Variants in TLX1 observed in about 807,000 individuals in gnomAD.
TLX1 encodes T cell leukemia homeobox 1, also known as T-cell leukemia homeobox protein 1.
Under a neutral mutation model 26.5 loss-of-function variants are expected in TLX1, and 6 were observed. The ratio of observed to expected loss-of-function variants is 0.23; its 90% CI spans 0.12 to 0.45. The LOEUF (loss-of-function observed/expected upper bound fraction) is 0.45. Ranked by LOEUF, TLX1 falls within the 20% of genes least tolerant of loss-of-function variation. TLX1 has a pLI of 0.99. For synonymous variants in TLX1, 217 were observed against 219.7 expected (o/e 0.99, Z 0.11); for missense variants, 418 against 482.6 (o/e 0.87, Z 1.25).
In TLX1 at chr10:101,131,748, A is replaced by C; in HGVS notation, c.207A>C (p.Gly69=). 1 of 1,423,290 alleles carries C rather than the reference A, an allele frequency of 7.0e-7. No individual in the cohort carries two copies. The allele number at this position is 1,423,290 out of a possible 1,614,324, so 88.2% of individuals were successfully genotyped here. A position where few individuals can be genotyped will look rare whatever the true frequency, so the allele number is the denominator to read the frequency against. Residue 69 remains glycine (G), a synonymous_variant, in exon 1 of 3, where the codon GGA becomes GGC. Coordinates refer to ENST00000370196, the MANE Select transcript of TLX1 (RefSeq NM_005521.4). ...GGGSAAATGA[G]GAGAYGTGGP... ...GCTCCGCGGCCGCGACGGGGGCTGGAGGAGCGGGGGCCTATGGTACTGGAG... is the reference window on the plus strand; with the variant it reads ...GCTCCGCGGCCGCGACGGGGGCTGGCGGAGCGGGGGCCTATGGTACTGGAG...
At position 101,136,751 on chromosome 10, in the gene TLX1, G is replaced by T. The variant is rs373379278; in HGVS notation, c.831G>T (p.Gln277His). ...AGCAAGCGAACCGCATCCTCCTGCA[G>T]TTGCAGCAGGAGGCCTTCCAGAAGA... ...ERQQANRILL[Q>H]LQQEAFQKSL... is the part of the protein sequence containing the mutation. The change falls in exon 3 of 3, where the codon CAG becomes CAT. Residue 277 changes from glutamine (Q) to histidine (H), a missense_variant. By Grantham distance (24) the Gln-to-His change is conservative (BLOSUM62 0). Around this residue, in one of 3 missense-constraint regions of TLX1, gnomAD observed 78 missense variants for 92.2 expected, o/e 0.85. Transcript: ENST00000370196. 1.2e-6 allele frequency: 2 copies of T among 1,613,292 alleles called. No individual in the cohort carries two copies. The highest frequency in any genetic ancestry group is 4.5e-5 in the East Asian group (2 of 44,878).
In TLX1 at chr10:101,131,712, C is replaced by A; in HGVS notation, c.171C>A (p.Tyr57Ter). The change falls in exon 1 of 3, where the codon TAC becomes TAA. Residue 57 changes from tyrosine (Y) to a stop codon, truncating the protein, a stop_gained. Transcript: ENST00000370196. LOFTEE classifies it high-confidence loss of function. ...LGCLVGGAYT[Y>*]GGGGSAAATG... ...GCTTGGTCGGAGGCGCCTACACTTACGGCGGCGGGGGCTCCGCGGCCGCGA... is the reference window on the plus strand; with the variant it reads ...GCTTGGTCGGAGGCGCCTACACTTAAGGCGGCGGGGGCTCCGCGGCCGCGA... 6.8e-7 allele frequency: 1 copy of A among 1,479,714 alleles called. No homozygotes were observed. The highest frequency in any genetic ancestry group is 8.9e-7 in the Non-Finnish European group (1 of 1,121,708). 91.7% of individuals were successfully genotyped at this position (1,479,714 alleles called of 1,614,324 possible).
In TLX1 at chr10:101,137,579, C is replaced by T. The variant is rs1264516567; in HGVS notation, c.*666C>T. 2 of 234,526 alleles carry T rather than the reference C, an allele frequency of 8.5e-6. No homozygotes were observed. Among genetic ancestry groups the T allele is most frequent in the East Asian group, 1.2e-4 (2 of 16,598 alleles). 14.5% of individuals were successfully genotyped at this position (234,526 alleles called of 1,614,324 possible). On this transcript the variant is annotated 3_prime_UTR_variant, in exon 3 of 3. Transcript: ENST00000370196. The stretch of plus-strand genomic sequence containing the variant: ...ACAGCCAACAGCTACAACAGCCTCA[C>T]TTGGTCTGCCAGGCCCCCACCACAC...
At position 101,136,998 on chromosome 10, in the gene TLX1, G is replaced by C; in HGVS notation, c.*85G>C. On this transcript the variant is annotated 3_prime_UTR_variant, in exon 3 of 3. Coordinates refer to ENST00000370196, the MANE Select transcript of TLX1 (RefSeq NM_005521.4). Reference sequence around the variant, plus strand: ...CCCAGGACTCCTCCCCACCCTCCTGGCCTCAGACTGCACCCAGGAGGGGAA... The same window carrying C: ...CCCAGGACTCCTCCCCACCCTCCTGCCCTCAGACTGCACCCAGGAGGGGAA... The C allele has an allele frequency of 6.6e-7, 1 of 1,517,914 alleles. No individual in the cohort carries two copies. The highest frequency in any genetic ancestry group is 8.9e-7 in the Non-Finnish European group (1 of 1,122,910). 94.0% of individuals were successfully genotyped at this position (1,517,914 alleles called of 1,614,324 possible). A position where few individuals can be genotyped will look rare whatever the true frequency, so the allele number is the denominator to read the frequency against.
chr10:101,132,443 C>CTTAG lies in TLX1; in HGVS notation c.568+335_568+338dup, dbSNP rs1296487015. Reference sequence around the variant, plus strand: ...CTGCAGCTACTCTTGGCCTGGGAATCTTAGAGAAAGGGGTGCAACGTGAAC... The same window carrying CTTAG: ...CTGCAGCTACTCTTGGCCTGGGAATCTTAGTTAGAGAAAGGGGTGCAACGTGAAC... On this transcript the variant is annotated intron_variant, in intron 1 of 2. Transcript: ENST00000370196. This position sits in a 1 kb window ranked among gnomAD's most constrained non-coding sequence, Gnocchi z 4.1. Among the ~76,000 whole-genome samples, 1 of 152,268 alleles carries CTTAG rather than the reference C, an allele frequency of 6.6e-6. No homozygotes were observed. Among genetic ancestry groups the CTTAG allele is most frequent in the Non-Finnish European group, 1.5e-5 (1 of 68,046 alleles).
Position 101,132,759 on chromosome 10 carries a change from G to C in TLX1, c.568+650G>C, listed in dbSNP as rs574103494. ...TTTCATTTTCGTTCTCTCCCGGCTG[G>C]GTGTCCTACCCCGGGCCCAGCCCTG... On this transcript the variant is annotated intron_variant, in intron 1 of 2. Coordinates refer to ENST00000370196, the MANE Select transcript of TLX1 (RefSeq NM_005521.4). The surrounding 1 kb of genome is among the most constrained non-coding windows in gnomAD (Gnocchi z 4.1). The C allele has an allele frequency of 6.6e-6, 1 of 152,266 alleles. No homozygotes were observed. The highest frequency in any genetic ancestry group is 1.9e-4 in the East Asian group (1 of 5,178). 9.4% of individuals were successfully genotyped at this position (152,266 alleles called of 1,614,324 possible).
In TLX1 at chr10:101,131,982, C is replaced by T. The variant is rs1221507926; in HGVS notation, c.441C>T (p.Pro147=). The change falls in exon 1 of 3, where the codon CCC becomes CCT. Residue 147 remains proline (P), a synonymous_variant. Coordinates refer to ENST00000370196, the MANE Select transcript of TLX1 (RefSeq NM_005521.4). The part of the protein sequence containing the change: ...HRPLAGAVAH[P]QPLATGLPTV... Reference sequence around the variant, plus strand: ...CGCTCGCCGGAGCCGTGGCCCACCCCCAGCCCCTGGCCACCGGCTTGCCCA... The same window carrying T: ...CGCTCGCCGGAGCCGTGGCCCACCCTCAGCCCCTGGCCACCGGCTTGCCCA... 6 of 1,522,720 alleles carry T rather than the reference C, an allele frequency of 3.9e-6. No individual in the cohort carries two copies. Among genetic ancestry groups the T allele is most frequent in the Non-Finnish European group, 5.2e-6 (6 of 1,143,084 alleles). 94.3% of individuals were successfully genotyped at this position (1,522,720 alleles called of 1,614,324 possible).
chr10:101,135,272 C>G (rs1481547188), intron 2 of TLX1: 4 of 152,876 alleles, frequency 2.6e-5, no homozygotes, highest in Non-Finnish European at 4.4e-5. Flanking sequence ...GCGGGAGAGT[C>G]TGGGCGAAGT....
chr10:101,131,423 C>T lies in TLX1; in HGVS notation c.-119C>T. 1 of 733,200 alleles carries T rather than the reference C, an allele frequency of 1.4e-6. No homozygotes were observed. The highest frequency in any genetic ancestry group is 2.0e-6 in the Non-Finnish European group (1 of 510,826). The allele number at this position is 733,200 out of a possible 1,614,324, so 45.4% of individuals were successfully genotyped here. A position where few individuals can be genotyped will look rare whatever the true frequency, so the allele number is the denominator to read the frequency against. ...TCTACTTTAGCCTTTCTGCGCACTTCGCTTCCAAGTCTCCGCGCAGCCAGG... is the reference window on the plus strand; with the variant it reads ...TCTACTTTAGCCTTTCTGCGCACTTTGCTTCCAAGTCTCCGCGCAGCCAGG... On this transcript the variant is annotated 5_prime_UTR_variant, in exon 1 of 3. Coordinates refer to ENST00000370196, the MANE Select transcript of TLX1 (RefSeq NM_005521.4).
At position 101,137,197 on chromosome 10, in the gene TLX1, G is replaced by C; in HGVS notation, c.*284G>C. The C allele has an allele frequency of 2.3e-6, 1 of 443,810 alleles. No homozygotes were observed. The highest frequency in any genetic ancestry group is 3.3e-5 in the South Asian group (1 of 29,884). The allele number at this position is 443,810 out of a possible 1,614,324, so 27.5% of individuals were successfully genotyped here. A position where few individuals can be genotyped will look rare whatever the true frequency, so the allele number is the denominator to read the frequency against. ...ATTTCATTTTATTTTAATTTTTAAC[G>C]TGGGATTCAGAGAAAGGCAAGGGAG... On this transcript the variant is annotated 3_prime_UTR_variant, in exon 3 of 3. Coordinates refer to ENST00000370196, the MANE Select transcript of TLX1 (RefSeq NM_005521.4).
In TLX1 at chr10:101,132,025, G is replaced by T; in HGVS notation, c.484G>T (p.Ala162Ser). The T allele has an allele frequency of 6.6e-7, 1 of 1,519,672 alleles. No individual in the cohort carries two copies. 94.1% of individuals were successfully genotyped at this position (1,519,672 alleles called of 1,614,324 possible). A position where few individuals can be genotyped will look rare whatever the true frequency, so the allele number is the denominator to read the frequency against. Residue 162 changes from alanine (A) to serine (S), a missense_variant, in exon 1 of 3, where the codon GCC becomes TCC. By Grantham distance (99) the Ala-to-Ser change is moderately conservative. Coordinates refer to ENST00000370196, the MANE Select transcript of TLX1 (RefSeq NM_005521.4). The surrounding 1 kb of genome is among the most constrained non-coding windows in gnomAD (Gnocchi z 4.1). Reference sequence around the variant, plus strand: ...CTTGCCCACCGTGCCCTCTGTGCCTGCCATGCCGGGCGTCAACAACCTCAC... The same window carrying T: ...CTTGCCCACCGTGCCCTCTGTGCCTTCCATGCCGGGCGTCAACAACCTCAC... ...TGLPTVPSVPAMPGVNNLTGL... is the reference protein window; with the variant it reads ...TGLPTVPSVPSMPGVNNLTGL...
rs888627709 is a variant in TLX1 at position 101,132,524 on chromosome 10, G to T, written c.568+415G>T. 6.6e-6 allele frequency among the ~76,000 whole-genome samples: 1 copy of T among 152,194 alleles called. No individual in the cohort carries two copies. The highest frequency in any genetic ancestry group is 1.5e-5 in the Non-Finnish European group (1 of 68,026). On this transcript the variant is annotated intron_variant, in intron 1 of 2. Coordinates refer to ENST00000370196, the MANE Select transcript of TLX1 (RefSeq NM_005521.4). The surrounding 1 kb of genome is among the most constrained non-coding windows in gnomAD (Gnocchi z 4.1). ...ACCCAGGAAGCGAGCCCCAGGATCA[G>T]ACACAAGAAAAGAACAGGTTCCCCC...
chr10:101,131,331 C>A lies in TLX1; in HGVS notation c.-211C>A, dbSNP rs1406287775. 6 of 423,174 alleles carry A rather than the reference C, an allele frequency of 1.4e-5. No individual in the cohort carries two copies. Among genetic ancestry groups the A allele is most frequent in the East Asian group, 3.6e-5 (1 of 28,028 alleles). 26.2% of individuals were successfully genotyped at this position (423,174 alleles called of 1,614,324 possible). A position where few individuals can be genotyped will look rare whatever the true frequency, so the allele number is the denominator to read the frequency against. On this transcript the variant is annotated 5_prime_UTR_variant, in exon 1 of 3. Transcript: ENST00000370196. ...CCAGAGTCAACAGCGAGCGAGCAGC[C>A]GGAGCGGGGAAGCAGAAGCCAGAGA...
rs1940316900 is a variant in TLX1, at chr10:101,137,251, C to CA, written c.*339dup. The CA allele has an allele frequency of 3.9e-5, 14 of 362,224 alleles. No individual in the cohort carries two copies. The South Asian group carries it at 5.7e-4, about 15-fold the overall frequency. 22.4% of individuals were successfully genotyped at this position (362,224 alleles called of 1,614,324 possible). On this transcript the variant is annotated 3_prime_UTR_variant, in exon 3 of 3. Transcript: ENST00000370196. ...AGGGAGGAGGAGCTTCTGGGGTCCCCAGGGCTGTCATCTGAATTTGCCCTG... is the reference window on the plus strand; with the variant it reads ...AGGGAGGAGGAGCTTCTGGGGTCCCCAAGGGCTGTCATCTGAATTTGCCCTG...
chr10:101,131,699 G>A lies in TLX1; in HGVS notation c.158G>A (p.Gly53Asp). The part of the protein sequence containing the change: ...GEYGLGCLVG[G>D]AYTYGGGGSA... The stretch of plus-strand genomic sequence containing the variant: ...TACGGCCTTGGCTGCTTGGTCGGAG[G>A]CGCCTACACTTACGGCGGCGGGGGC... The change falls in exon 1 of 3, where the codon GGC (glycine) becomes GAC (aspartate). Residue 53 changes from glycine to aspartate, a missense_variant. Physicochemically the swap from Gly to Asp is moderately conservative, Grantham distance 94. This residue lies in a region of TLX1 where 322 missense variants were observed against 344.6 expected (regional missense o/e 0.93). Transcript: ENST00000370196. 1.3e-6 allele frequency: 2 copies of A among 1,508,484 alleles called. No homozygotes were observed. The highest frequency in any genetic ancestry group is 1.8e-6 in the Non-Finnish European group (2 of 1,135,710). 93.4% of individuals were successfully genotyped at this position (1,508,484 alleles called of 1,614,324 possible).
At chr10:101,135,286 CGG>C (rs1186697546) in intron 2 of TLX1, 1 of 153,130 alleles carries the variant, frequency 6.5e-6, no homozygotes, top group African/African-American at 2.4e-5. Context: ...GCGAAGTCGG[CGG>C]CGCCGAGACG....
chr10:101,134,863 G>A (rs1940256008), intron 2 of TLX1, among the ~76,000 whole-genome samples: 1 of 152,242 alleles, frequency 6.6e-6, no homozygotes, highest in Non-Finnish European at 1.5e-5. Flanking sequence ...CCTGCTGACG[G>A]TCTCCTCCCC....
rs1431332755 is a variant in TLX1, at chr10:101,131,688, C to T, written c.147C>T (p.Cys49=). Residue 49 remains cysteine (C), a synonymous_variant, in exon 1 of 3, where the codon TGC becomes TGT. Coordinates refer to ENST00000370196, the MANE Select transcript of TLX1 (RefSeq NM_005521.4). ...AGGACGGAGAATACGGCCTTGGCTG[C>T]TTGGTCGGAGGCGCCTACACTTACG... The part of the protein sequence containing the change: ...RLQDGEYGLG[C]LVGGAYTYGG... The T allele has an allele frequency of 2.0e-6, 3 of 1,533,646 alleles. No homozygotes were observed. Among genetic ancestry groups the T allele is most frequent in the African/African-American group, 1.4e-5 (1 of 69,254 alleles).
intron 2 of TLX1, chr10:101,135,620 A>G (rs1009449252): frequency 6.6e-6 from 1 of 152,322 alleles, no homozygotes; most frequent in African/African-American, 2.4e-5. Flanking sequence ...GCAGGCAAAG[A>G]GAGAAACTGA....
Sources: gnomAD v4.1 joint callset for allele counts (sites outside exome capture counted in the v4.1 genomes callset) on GRCh38, gnomAD v4.1.1 for gene constraint, gnomAD v4.1.1 regional missense constraint, Gnocchi (gnomAD v3.1) non-coding constraint, MANE v1.5 for transcripts, NCBI Gene and HGNC (gene_info 2026-07-23, HGNC 2026-07-21) for gene names.